PCDH15: variants seen among roughly 807,000 people sequenced by gnomAD.
PCDH15 encodes protocadherin related 15.
PCDH15 carries 129 observed loss-of-function variants against 178.5 expected under a neutral mutation model. The observed-to-expected ratio is 0.72, with a 90% CI of 0.63 to 0.84. The LOEUF (loss-of-function observed/expected upper bound fraction) is 0.84. Ranked by LOEUF, PCDH15 falls within the 40% of genes least tolerant of loss-of-function variation. The pLI is 0.00. For synonymous variants in PCDH15, 800 were observed against 732.0 expected (o/e 1.09, Z -1.50); for missense variants, 2,230 against 2,099.9 (o/e 1.06, Z -1.21).
chr10:55,209,069 G>A (rs1840486700), intron 1 of PCDH15, among the ~76,000 whole-genome samples: 1 of 152,062 alleles, frequency 6.6e-6, no homozygotes, highest in African/African-American at 2.4e-5. Context: ...TTTGAACTGA[G>A]ATAGAAACAA....
intron 2 of PCDH15, among the ~76,000 whole-genome samples, chr10:55,539,183 A>G (rs1211817571): frequency 1.3e-5 from 2 of 151,928 alleles, no homozygotes; most frequent in Non-Finnish European, 2.9e-5. Flanking sequence ...CTAACTCATA[A>G]TAAATATTAA....
intron 2 of PCDH15, among the ~76,000 whole-genome samples, chr10:55,123,521 A>G (rs1288791167): frequency 6.6e-6 from 1 of 152,172 alleles, no homozygotes; most frequent in East Asian, 1.9e-4. Flanking sequence ...AAGAAGGGAC[A>G]CTACTCATGG....
intron 3 of PCDH15, among the ~76,000 whole-genome samples, chr10:54,806,396 T>G (rs1025588692): frequency 2.0e-5 from 3 of 152,082 alleles, no homozygotes; most frequent in Admixed American, 6.6e-5. Flanking sequence ...GTCTGAGTTC[T>G]CTTCTCAAGG....
chr10:54,708,242 C>T (rs2095387491), intron 1 of PCDH15, among the ~76,000 whole-genome samples: 1 of 152,044 alleles, frequency 6.6e-6, no homozygotes. Context: ...TGGAATAAGG[C>T]CAGTTTTTTC....
intron 2 of PCDH15, among the ~76,000 whole-genome samples, chr10:55,015,203 A>T (rs1455493682): frequency 6.6e-6 from 1 of 152,018 alleles, no homozygotes; most frequent in Admixed American, 6.5e-5. Context: ...TTTACACTTA[A>T]AATATATTTA....
intron 3 of PCDH15, among the ~76,000 whole-genome samples, chr10:54,877,936 CTCTTTTTT>C (rs1954177610): frequency 2.9e-5 from 3 of 104,346 alleles, no homozygotes; most frequent in South Asian, 2.9e-4. Context: ...CTCTCTCTCT[CTCTTTTTT>C]TTTTTTTTTT....
chr10:54,134,769 A>C (rs2042755535), intron 14 of PCDH15, among the ~76,000 whole-genome samples: 2 of 151,546 alleles, frequency 1.3e-5, no homozygotes, highest in South Asian at 4.2e-4. Flanking sequence ...AGAAAAAAAA[A>C]AAAAAGAAAT....
intron 2 of PCDH15, among the ~76,000 whole-genome samples, chr10:55,597,626 G>C (rs1375614338): frequency 1.3e-5 from 2 of 152,048 alleles, no homozygotes; most frequent in East Asian, 3.8e-4. Context: ...GTGTATCCCA[G>C]ATATTATAGT....
intron 2 of PCDH15, among the ~76,000 whole-genome samples, chr10:55,383,930 T>C (rs1229518425): frequency 6.6e-6 from 1 of 152,172 alleles, no homozygotes; most frequent in African/African-American, 2.4e-5. Flanking sequence ...AAATTATGTG[T>C]CATTATGTTT....
chr10:54,547,843 T>A, intron 2 of PCDH15, among the ~76,000 whole-genome samples: 1 of 152,172 alleles, frequency 6.6e-6, no homozygotes, highest in Middle Eastern at 3.4e-3. Context: ...TATTTATATT[T>A]ACTTAGTTAA....
intron 1 of PCDH15, among the ~76,000 whole-genome samples, chr10:55,249,080 A>G (rs1324370981): frequency 6.6e-6 from 1 of 152,206 alleles, no homozygotes; most frequent in Non-Finnish European, 1.5e-5. Flanking sequence ...TTGGAAGTAG[A>G]TAGATAAACA....
chr10:54,346,943 T>G (rs1333034158), intron 5 of PCDH15, among the ~76,000 whole-genome samples: 16 of 152,216 alleles, frequency 1.1e-4, no homozygotes. Context: ...AAAGAGAAAT[T>G]GGAGACAATG....
chr10:54,415,460 G>A (rs1954196711), intron 3 of PCDH15, among the ~76,000 whole-genome samples: 2 of 151,996 alleles, frequency 1.3e-5, no homozygotes, highest in African/African-American at 2.4e-5. Context: ...AGAAAAAAAG[G>A]TAGAAAGAAG....
chr10:55,267,303 A>G (rs139783396), intron 1 of PCDH15, among the ~76,000 whole-genome samples: 3 of 152,334 alleles, frequency 2.0e-5, no homozygotes, highest in African/African-American at 7.2e-5. Flanking sequence ...TTGAACCTCT[A>G]AAGATGAATC....
chr10:54,678,470 T>C (rs2094832635), intron 1 of PCDH15, among the ~76,000 whole-genome samples: 1 of 152,302 alleles, frequency 6.6e-6, no homozygotes, highest in African/African-American at 2.4e-5. Flanking sequence ...TATTTTTTGG[T>C]GAGCAACACT....
intron 13 of PCDH15, among the ~76,000 whole-genome samples, chr10:54,165,622 T>A (rs72797090): frequency 0.03 from 4,514 of 152,156 alleles, 88 homozygotes; most frequent in Middle Eastern, 0.082. Flanking sequence ...CAACTTACAC[T>A]CTCAAAAAAA....
chr10:55,080,679 G>C (rs1842017986), intron 2 of PCDH15, among the ~76,000 whole-genome samples: 1 of 152,098 alleles, frequency 6.6e-6, no homozygotes, highest in South Asian at 2.1e-4. Context: ...GAGTGGGTAA[G>C]ATCATCACCC....
chr10:54,518,985 G>T (rs1203793483), intron 3 of PCDH15, among the ~76,000 whole-genome samples: 2 of 152,214 alleles, frequency 1.3e-5, no homozygotes, highest in East Asian at 3.8e-4. Flanking sequence ...AATAGATGCA[G>T]AAAAGGCCTT....
chr10:54,183,308 C>A, intron 13 of PCDH15, 136 bp downstream of exon 13: 1 of 879,254 alleles, frequency 1.1e-6, no homozygotes, highest in East Asian at 2.5e-5. Context: ...AAATTTAAAG[C>A]TATTTAAACT....
Sources: gnomAD v4.1 joint callset for allele counts (sites outside exome capture counted in the v4.1 genomes callset) on GRCh38, gnomAD v4.1.1 for gene constraint, MANE v1.5 for transcripts, NCBI Gene and HGNC (gene_info 2026-07-23, HGNC 2026-07-21) for gene names.